The following LRRC8C variants were observed in gnomAD, a reference collection of about 807,000 sequenced individuals.
LRRC8C encodes leucine rich repeat containing 8 VRAC subunit C.
In LRRC8C, 20 loss-of-function variants were observed where a neutral mutation model predicts 55.3. That is an observed-to-expected ratio of 0.36 (90% CI 0.25 to 0.53). The LOEUF is 0.53. Ranked by LOEUF, LRRC8C falls within the 20% of genes least tolerant of loss-of-function variation. LRRC8C has a pLI of 0.92. For missense variants in LRRC8C, 659 were observed against 951.4 expected (o/e 0.69, Z 4.04); for synonymous variants, 376 against 360.7 (o/e 1.04, Z -0.48).
At position 89,713,389 on chromosome 1, in the gene LRRC8C, C is replaced by T. The variant is rs1658712249; in HGVS notation, c.819C>T (p.Phe273=). 7 of 1,614,194 alleles carry T rather than the reference C, an allele frequency of 4.3e-6. 1 individual carries two copies. Among genetic ancestry groups the T allele is most frequent in the Non-Finnish European group, 5.9e-6 (7 of 1,180,038 alleles). ...AGACTGTACTTAAAGTTATCAAATT[C>T]CTAATCATCATTGCATATAATAGTG... is the stretch of plus-strand genomic sequence containing the variant. ...VRQTVLKVIK[F]LIIIAYNSAL... is the part of the protein sequence containing the mutation. Residue 273 remains phenylalanine (F), a synonymous_variant, in exon 3 of 3, where the codon TTC becomes TTT. Coordinates refer to ENST00000370454, the MANE Select transcript of LRRC8C (RefSeq NM_032270.5). The surrounding 1 kb of genome is among the most constrained non-coding windows in gnomAD (Gnocchi z 5.2).
the LRRC8C span, among the ~76,000 whole-genome samples, chr1:89,619,365 C>T: frequency 6.6e-6 from 1 of 150,976 alleles, no homozygotes; most frequent in East Asian, 1.9e-4. Context: ...AATGTAGAAA[C>T]ATTTTAAGTT....
intron 1 of LRRC8C, among the ~76,000 whole-genome samples, chr1:89,659,048 G>GTTTTTTTGTTTT (rs1301576464): frequency 3.8e-5 from 1 of 26,220 alleles, no homozygotes; most frequent in African/African-American, 1.1e-4. Context: ...TCTTCTCCAG[G>GTTTTTTTGTTTT]TTTTTTTTTT....
intron 1 of LRRC8C, among the ~76,000 whole-genome samples, chr1:89,645,248 A>G (rs1174188945): frequency 6.6e-6 from 1 of 152,228 alleles, no homozygotes; most frequent in Non-Finnish European, 1.5e-5. Flanking sequence ...CCACTGGATG[A>G]GCTTAACAAC....
rs1020350218 is a variant in LRRC8C at position 89,657,983 on chromosome 1, A to G, written c.-5+24661A>G. Reference sequence around the variant, plus strand: ...AGTGTATGACTGTGTGTAACTTTACATTTACTCAGCTTGACTATGATTTGT... The same window carrying G: ...AGTGTATGACTGTGTGTAACTTTACGTTTACTCAGCTTGACTATGATTTGT... On this transcript the variant is annotated intron_variant, in intron 1 of 2. Coordinates refer to ENST00000370454, the MANE Select transcript of LRRC8C (RefSeq NM_032270.5). 4.6e-5 allele frequency among the ~76,000 whole-genome samples: 7 copies of G among 152,132 alleles called. No homozygotes were observed. The East Asian group carries it at 5.8e-4, about 13-fold the overall frequency.
intron 1 of LRRC8C, among the ~76,000 whole-genome samples, chr1:89,645,839 A>G (rs1656595945): frequency 3.3e-5 from 5 of 152,122 alleles, no homozygotes; most frequent in Admixed American, 3.3e-4. Context: ...GGGCCAAAGA[A>G]AAATTCAAAA....
chr1:89,716,681 A>G lies in LRRC8C; in HGVS notation c.*1699A>G, dbSNP rs1658831723. On this transcript the variant is annotated 3_prime_UTR_variant, in exon 3 of 3. Transcript: ENST00000370454. The stretch of plus-strand genomic sequence containing the variant: ...TTTATGTACCAAATTCACATTGACC[A>G]TTTTCTGAGCTCTAGACTGATCGTA... 1.3e-5 allele frequency: 2 copies of G among 152,302 alleles called. No individual in the cohort carries two copies. Among genetic ancestry groups the G allele is most frequent in the Admixed American group, 6.5e-5 (1 of 15,296 alleles). 9.4% of individuals were successfully genotyped at this position (152,302 alleles called of 1,614,324 possible).
In LRRC8C at chr1:89,715,064, A is replaced by ATT; in HGVS notation, c.*90_*91dup. ...ATTAGGTAGTCTTAATGCCTTTCCT[A>ATT]TTTTTTTTTCCTTTTCACACAAAAT... On this transcript the variant is annotated 3_prime_UTR_variant, in exon 3 of 3. Coordinates refer to ENST00000370454, the MANE Select transcript of LRRC8C (RefSeq NM_032270.5). The ATT allele has an allele frequency of 2.2e-6, 2 of 889,784 alleles. No homozygotes were observed. The highest frequency in any genetic ancestry group is 3.0e-5 in the South Asian group (1 of 33,216). The allele number at this position is 889,784 out of a possible 1,614,324, so 55.1% of individuals were successfully genotyped here. A position where few individuals can be genotyped will look rare whatever the true frequency, so the allele number is the denominator to read the frequency against.
At chr1:89,700,306 C>G (rs1198409429) in intron 2 of LRRC8C, among the ~76,000 whole-genome samples, 1 of 152,190 alleles carries the variant, frequency 6.6e-6, no homozygotes, top group Non-Finnish European at 1.5e-5. Flanking sequence ...AGCCTGAGCT[C>G]TTACTGTAGA....
At chr1:89,680,077 CTT>C (rs534159163) in intron 1 of LRRC8C, among the ~76,000 whole-genome samples, 9 of 142,872 alleles carry the variant, frequency 6.3e-5, no homozygotes, top group African/African-American at 5.2e-5. Context: ...TACCAATATT[CTT>C]TTTTTTTTTT....
intron 1 of LRRC8C, among the ~76,000 whole-genome samples, chr1:89,633,608 C>G (rs111460520): frequency 6.6e-6 from 1 of 152,108 alleles, no homozygotes; most frequent in Non-Finnish European, 1.5e-5. Flanking sequence ...GCCGCAGCGG[C>G]AGGTCCTGCA....
intron 1 of LRRC8C, among the ~76,000 whole-genome samples, chr1:89,685,211 C>CG (rs1021969233): frequency 6.7e-6 from 1 of 150,188 alleles, no homozygotes; most frequent in Non-Finnish European, 1.5e-5. Context: ...CTCCGCTTCC[C>CG]GGGTTCACGC....
At chr1:89,685,418 G>C (rs1312212585) in intron 1 of LRRC8C, among the ~76,000 whole-genome samples, 1 of 152,156 alleles carries the variant, frequency 6.6e-6, no homozygotes, top group East Asian at 1.9e-4. Flanking sequence ...CCCGGCCATT[G>C]TCTATCTAGT....
intron 1 of LRRC8C, among the ~76,000 whole-genome samples, chr1:89,642,345 G>C (rs76089445): frequency 6.6e-6 from 1 of 152,200 alleles, no homozygotes; most frequent in Non-Finnish European, 1.5e-5. Flanking sequence ...TGTAGCATTA[G>C]TACCTTAATA....
chr1:89,709,590 G>C (rs1034125665), intron 2 of LRRC8C, among the ~76,000 whole-genome samples: 2 of 152,098 alleles, frequency 1.3e-5, no homozygotes, highest in African/African-American at 2.4e-5. Context: ...CCCGGGGGAG[G>C]GTTCAGGCAG....
At chr1:89,709,905 C>T (rs888010823) in intron 2 of LRRC8C, among the ~76,000 whole-genome samples, 10 of 152,070 alleles carry the variant, frequency 6.6e-5, no homozygotes, top group Non-Finnish European at 8.8e-5. Context: ...GCGCCCGCCA[C>T]CGCGCCCGGC....
At chr1:89,674,692 C>T (rs1404027742) in intron 1 of LRRC8C, among the ~76,000 whole-genome samples, 2 of 152,084 alleles carry the variant, frequency 1.3e-5, no homozygotes, top group Non-Finnish European at 2.9e-5. Context: ...CAACAGCTGG[C>T]ATGAGATGGA....
rs1658897698 is a variant in LRRC8C at position 89,718,915 on chromosome 1, T to G, written c.*3933T>G. ...CAAGAAAATTTTCTCATCTTTTCTT[T>G]CTACTTAGAAACATTGCAAGAAACC... On this transcript the variant is annotated 3_prime_UTR_variant, in exon 3 of 3. Coordinates refer to ENST00000370454, the MANE Select transcript of LRRC8C (RefSeq NM_032270.5). 6.6e-6 allele frequency: 1 copy of G among 152,196 alleles called. No individual in the cohort carries two copies. The highest frequency in any genetic ancestry group is 2.4e-5 in the African/African-American group (1 of 41,440). 9.4% of individuals were successfully genotyped at this position (152,196 alleles called of 1,614,324 possible). A position where few individuals can be genotyped will look rare whatever the true frequency, so the allele number is the denominator to read the frequency against.
chr1:89,700,980 T>A (rs1056725541), intron 2 of LRRC8C, among the ~76,000 whole-genome samples: 2 of 152,212 alleles, frequency 1.3e-5, no homozygotes, highest in African/African-American at 4.8e-5. Context: ...TATAACAATA[T>A]AATCATAGCT....
At chr1:89,683,514 C>G (rs549735323) in intron 1 of LRRC8C, among the ~76,000 whole-genome samples, 1 of 151,970 alleles carries the variant, frequency 6.6e-6, no homozygotes, top group Non-Finnish European at 1.5e-5. Flanking sequence ...CATGCCACCA[C>G]GCCCAGCTAA....
Sources: gnomAD v4.1 joint callset for allele counts (sites outside exome capture counted in the v4.1 genomes callset) on GRCh38, gnomAD v4.1.1 for gene constraint, Gnocchi (gnomAD v3.1) non-coding constraint, MANE v1.5 for transcripts, NCBI Gene and HGNC (gene_info 2026-07-23, HGNC 2026-07-21) for gene names.